DLG2: variants seen among roughly 807,000 people sequenced by gnomAD.
The protein encoded by DLG2 is disks large homolog 2.
Under a neutral mutation model 132.5 loss-of-function variants are expected in DLG2, and 45 were observed. The ratio of observed to expected loss-of-function variants is 0.34; its 90% CI spans 0.27 to 0.44. The LOEUF is 0.44. Ranked by LOEUF, DLG2 falls within the 20% of genes least tolerant of loss-of-function variation. The pLI, the probability that DLG2 is intolerant of heterozygous loss-of-function variation, is 1.00. For synonymous variants in DLG2, 424 were observed against 419.6 expected (o/e 1.01, Z -0.13); for missense variants, 1,045 against 1,196.9 (o/e 0.87, Z 1.87).
chr11:85,572,889 T>A (rs111652632), intron 3 of DLG2, among the ~76,000 whole-genome samples: 106 of 152,356 alleles, frequency 7.0e-4, no homozygotes, highest in African/African-American at 2.4e-3. Context: ...TAAACTGTAA[T>A]CCTCAATGTT....
intron 10 of DLG2, among the ~76,000 whole-genome samples, chr11:84,078,410 A>G (rs536150568): frequency 6.6e-6 from 1 of 152,328 alleles, no homozygotes; most frequent in South Asian, 2.1e-4. Flanking sequence ...ATTTAACAAA[A>G]TGATTAGTTA....
intron 6 of DLG2, among the ~76,000 whole-genome samples, chr11:84,661,685 G>A (rs1367814355): frequency 6.6e-6 from 1 of 152,098 alleles, no homozygotes; most frequent in Non-Finnish European, 1.5e-5. Flanking sequence ...GTATATTTGT[G>A]TCTGTAAGTC....
intron 5 of DLG2, among the ~76,000 whole-genome samples, chr11:85,144,537 C>G (rs551126949): frequency 6.6e-6 from 1 of 151,540 alleles, no homozygotes; most frequent in South Asian, 2.1e-4. Flanking sequence ...AAGTGATTTT[C>G]TCTGGTAGTA....
chr11:84,733,868 G>T (rs981638675), intron 6 of DLG2, among the ~76,000 whole-genome samples: 73 of 152,168 alleles, frequency 4.8e-4, no homozygotes, highest in African/African-American at 1.6e-3. Context: ...CTAGCCAGTT[G>T]TCCCAGCACC....
intron 7 of DLG2, among the ~76,000 whole-genome samples, chr11:84,319,918 C>T (rs1329949263): frequency 6.6e-6 from 1 of 152,170 alleles, no homozygotes; most frequent in Non-Finnish European, 1.5e-5. Flanking sequence ...TCCCCACAAA[C>T]AAGACTTTTC....
At chr11:84,758,277 C>A (rs1565887483) in intron 6 of DLG2, among the ~76,000 whole-genome samples, 1 of 152,162 alleles carries the variant, frequency 6.6e-6, no homozygotes. Context: ...TAACAACAAG[C>A]TATGTATCTG....
At chr11:83,745,341 C>T (rs890355578) in intron 18 of DLG2, among the ~76,000 whole-genome samples, 1 of 152,186 alleles carries the variant, frequency 6.6e-6, no homozygotes, top group Non-Finnish European at 1.5e-5. Flanking sequence ...ATTGATTTAG[C>T]TTTCTTCTGT....
chr11:85,255,567 T>C (rs1013593705), intron 4 of DLG2, among the ~76,000 whole-genome samples: 1 of 152,182 alleles, frequency 6.6e-6, no homozygotes, highest in Non-Finnish European at 1.5e-5. Context: ...AATTATTTGG[T>C]TACATCTTTC....
chr11:84,886,121 C>G (rs1453066618), intron 6 of DLG2, among the ~76,000 whole-genome samples: 1 of 152,044 alleles, frequency 6.6e-6, no homozygotes, highest in Non-Finnish European at 1.5e-5. Context: ...ACAGCTTAAC[C>G]TGGGAAGGTC....
At chr11:84,510,426 T>C (rs138406620) in intron 7 of DLG2, among the ~76,000 whole-genome samples, 2 of 152,218 alleles carry the variant, frequency 1.3e-5, no homozygotes, top group Admixed American at 1.3e-4. Flanking sequence ...CAGAAATTCC[T>C]AAGGGTTTGG....
intron 21 of DLG2, among the ~76,000 whole-genome samples, chr11:83,522,161 C>T (rs918496278): frequency 7.2e-5 from 11 of 152,210 alleles, no homozygotes; most frequent in Admixed American, 7.2e-4. Flanking sequence ...AGTGCACTTA[C>T]TCCTCACAGA....
chr11:85,125,748 G>T (rs2075019539), intron 5 of DLG2, among the ~76,000 whole-genome samples: 1 of 151,622 alleles, frequency 6.6e-6, no homozygotes, highest in Non-Finnish European at 1.5e-5. Context: ...CACCAGGTTG[G>T]TCTAAAGACT....
intron 7 of DLG2, among the ~76,000 whole-genome samples, chr11:84,439,883 A>G (rs1226481869): frequency 6.6e-6 from 1 of 152,224 alleles, no homozygotes; most frequent in African/African-American, 2.4e-5. Flanking sequence ...TAAAGAGGTG[A>G]GACAAAATGC....
chr11:83,714,391 G>C (rs1356579885), intron 18 of DLG2, among the ~76,000 whole-genome samples: 1 of 152,078 alleles, frequency 6.6e-6, no homozygotes, highest in Non-Finnish European at 1.5e-5. Flanking sequence ...CTTTAATAAT[G>C]ATCTGACTCC....
At chr11:83,807,160 G>A (rs372709031) in intron 17 of DLG2, among the ~76,000 whole-genome samples, 3 of 152,242 alleles carry the variant, frequency 2.0e-5, no homozygotes, top group East Asian at 1.9e-4. Context: ...AGTGACCATC[G>A]TCTGGAATCA....
intron 5 of DLG2, among the ~76,000 whole-genome samples, chr11:85,150,789 T>G (rs2077200367): frequency 6.6e-6 from 1 of 151,538 alleles, no homozygotes; most frequent in Admixed American, 6.6e-5. Context: ...AACGGACATT[T>G]GGGTTGCTTC....
At chr11:84,831,704 T>A (rs1198158145) in intron 6 of DLG2, among the ~76,000 whole-genome samples, 1 of 151,660 alleles carries the variant, frequency 6.6e-6, no homozygotes, top group East Asian at 1.9e-4. Context: ...CTGGCTGCCT[T>A]TACCACCTCA....
At chr11:84,845,881 C>A (rs546783617) in intron 6 of DLG2, among the ~76,000 whole-genome samples, 1 of 151,550 alleles carries the variant, frequency 6.6e-6, no homozygotes, top group Non-Finnish European at 1.5e-5. Flanking sequence ...GGTTTCACCA[C>A]GTTGGCCAGG....
At chr11:84,337,194 T>C (rs574958445) in intron 7 of DLG2, among the ~76,000 whole-genome samples, 2 of 152,264 alleles carry the variant, frequency 1.3e-5, no homozygotes, top group East Asian at 3.9e-4. Context: ...ATCTACCCCA[T>C]AGAGATGTTG....
Sources: gnomAD v4.1 joint callset for allele counts (sites outside exome capture counted in the v4.1 genomes callset) on GRCh38, gnomAD v4.1.1 for gene constraint, MANE v1.5 for transcripts, NCBI Gene and HGNC (gene_info 2026-07-23, HGNC 2026-07-21) for gene names.